Variants in NUDT3 observed in about 807,000 individuals in gnomAD.
NUDT3 encodes the protein nudix hydrolase 3.
A neutral mutation model predicts 23.6 loss-of-function variants in NUDT3; 9 were observed. The ratio of observed to expected loss-of-function variants is 0.38; its 90% CI spans 0.23 to 0.66. The LOEUF (loss-of-function observed/expected upper bound fraction) is 0.66, where lower values mean the gene tolerates loss of function less well. Ranked by LOEUF, NUDT3 falls within the 30% of genes least tolerant of loss-of-function variation. NUDT3 has a pLI of 0.52. For missense variants in NUDT3, 172 were observed against 218.5 expected (o/e 0.79, Z 1.34); for synonymous variants, 86 against 82.6 (o/e 1.04, Z -0.22).
At position 34,389,725 on chromosome 6, in the gene NUDT3, C is replaced by A. The variant is rs556834798; in HGVS notation, c.99+2539G>T. Among the ~76,000 whole-genome samples, 270 of 152,086 alleles carry A rather than the reference C, an allele frequency of 1.8e-3. 1 individual carries two copies. Among genetic ancestry groups the A allele is most frequent in the East Asian group, 0.013 (68 of 5,170 alleles). ...ACGCCTGTAATCCCAGCACTTTGGGCGGCCAACGCGGGTGGATCATGAGGT... is the reference window on the plus strand; with the variant it reads ...ACGCCTGTAATCCCAGCACTTTGGGAGGCCAACGCGGGTGGATCATGAGGT... On this transcript the variant is annotated intron_variant, in intron 1 of 4. Coordinates refer to ENST00000607016, the MANE Select transcript of NUDT3 (RefSeq NM_006703.4).
At chr6:34,312,546 T>C (rs1763790561) in intron 2 of NUDT3, among the ~76,000 whole-genome samples, 1 of 152,196 alleles carries the variant, frequency 6.6e-6, no homozygotes, top group Non-Finnish European at 1.5e-5. Flanking sequence ...TACAAAACTA[T>C]ACATACCATT....
At chr6:34,365,702 C>T (rs950225682) in intron 1 of NUDT3, among the ~76,000 whole-genome samples, 2 of 152,094 alleles carry the variant, frequency 1.3e-5, no homozygotes, top group African/African-American at 2.4e-5. Context: ...CCCTTGAGGC[C>T]AGGAGTTCGA....
chr6:34,299,510 G>C (rs1386910148), intron 2 of NUDT3, among the ~76,000 whole-genome samples: 1 of 151,850 alleles, frequency 6.6e-6, no homozygotes, highest in Non-Finnish European at 1.5e-5. Context: ...CTGCAGCCTT[G>C]AACTCCTGGG....
chr6:34,323,776 GT>G (rs1197882792), intron 2 of NUDT3, among the ~76,000 whole-genome samples: 1 of 152,172 alleles, frequency 6.6e-6, no homozygotes, highest in African/African-American at 2.4e-5. Context: ...GTCAAAAGAT[GT>G]TGTATTTAGA....
rs544491668 is a variant in NUDT3, at chr6:34,373,473, G to A, written c.99+18791C>T. ...AGGCCTATTGTGTATGGAGCACCAC[G>A]TAGGCACCACAGAGGATAAACTATG... On this transcript the variant is annotated intron_variant, in intron 1 of 4. Transcript: ENST00000607016. 5.9e-5 allele frequency among the ~76,000 whole-genome samples: 9 copies of A among 152,128 alleles called. 1 individual carries two copies. The highest frequency in any genetic ancestry group is 1.9e-4 in the African/African-American group (8 of 41,478).
intron 4 of NUDT3, among the ~76,000 whole-genome samples, chr6:34,289,543 G>C (rs1445567733): frequency 6.6e-6 from 1 of 152,202 alleles, no homozygotes; most frequent in Non-Finnish European, 1.5e-5. Flanking sequence ...CTCCAGCAGG[G>C]TGACAGAGTG....
chr6:34,287,530 T>C lies in NUDT3; in HGVS notation c.*1223A>G, dbSNP rs1379519871. On this transcript the variant is annotated 3_prime_UTR_variant, in exon 5 of 5. Transcript: ENST00000607016. ...GGTGGGAGATGGGAGACCAATTTAA[T>C]AGCTCTGAGCATGCTCCATGGTGCA... The C allele has an allele frequency of 1.3e-5, 2 of 152,214 alleles. No homozygotes were observed. Among genetic ancestry groups the C allele is most frequent in the Non-Finnish European group, 2.9e-5 (2 of 68,038 alleles). The allele number at this position is 152,214 out of a possible 1,614,324, so 9.4% of individuals were successfully genotyped here.
In NUDT3 at chr6:34,284,639, C is replaced by G. The variant is rs1246483783; in HGVS notation, c.*4114G>C. The G allele has an allele frequency of 1.3e-5, 2 of 148,940 alleles. No homozygotes were observed. Among genetic ancestry groups the G allele is most frequent in the African/African-American group, 5.0e-5 (2 of 40,342 alleles). 9.2% of individuals were successfully genotyped at this position (148,940 alleles called of 1,614,324 possible). On this transcript the variant is annotated 3_prime_UTR_variant, in exon 5 of 5. Coordinates refer to ENST00000607016, the MANE Select transcript of NUDT3 (RefSeq NM_006703.4). Reference sequence around the variant, plus strand: ...TGTGAAGGATAACATGTGAAATGTACACTCAGGTCTAACAAATACCTATTA... The same window carrying G: ...TGTGAAGGATAACATGTGAAATGTAGACTCAGGTCTAACAAATACCTATTA...
At chr6:34,293,368 T>G in intron 4 of NUDT3, 83 bp downstream of exon 4, 1 of 1,535,976 alleles carries the variant, frequency 6.5e-7, no homozygotes, top group Non-Finnish European at 9.0e-7. Context: ...GGTACGCTCT[T>G]GTTTCTGGTT....
chr6:34,328,026 A>C (rs78591339), intron 2 of NUDT3, among the ~76,000 whole-genome samples: 2,519 of 152,358 alleles, frequency 0.017, 70 homozygotes, highest in African/African-American at 0.058. Flanking sequence ...AATAATGTTT[A>C]TGCTAATGAT....
rs1763535832 is a variant in NUDT3 at position 34,297,760 on chromosome 6, A to ATATATATTTTTT, written c.211-2076_211-2075insAAAAAATATATA. 6.2e-3 allele frequency among the ~76,000 whole-genome samples: 333 copies of ATATATATTTTTT among 53,392 alleles called. 8 individuals are homozygous for ATATATATTTTTT. Among genetic ancestry groups the ATATATATTTTTT allele is most frequent in the Non-Finnish European group, 8.1e-3 (263 of 32,290 alleles). The allele number at this position is 53,392 out of a possible 152,430, so 35.0% of individuals were successfully genotyped here. A position where few individuals can be genotyped will look rare whatever the true frequency, so the allele number is the denominator to read the frequency against. On this transcript the variant is annotated intron_variant, in intron 2 of 4. Coordinates refer to ENST00000607016, the MANE Select transcript of NUDT3 (RefSeq NM_006703.4). Reference sequence around the variant, plus strand: ...ATATATATATATATATATATATATAATTTTTTTTTTTTTTTTAGTAGAGAC... The same window carrying ATATATATTTTTT: ...ATATATATATATATATATATATATAATATATATTTTTTTTTTTTTTTTTTTTTTAGTAGAGAC...
intron 1 of NUDT3, among the ~76,000 whole-genome samples, chr6:34,357,666 C>A (rs1764583749): frequency 6.6e-6 from 1 of 151,958 alleles, no homozygotes; most frequent in Non-Finnish European, 1.5e-5. Flanking sequence ...TATTCTTAGC[C>A]ATTTATACTT....
chr6:34,287,549 T>C lies in NUDT3; in HGVS notation c.*1204A>G, dbSNP rs1034198945. 8 of 152,246 alleles carry C rather than the reference T, an allele frequency of 5.3e-5. No individual in the cohort carries two copies. The highest frequency in any genetic ancestry group is 3.9e-4 in the Admixed American group (6 of 15,288). 9.4% of individuals were successfully genotyped at this position (152,246 alleles called of 1,614,324 possible). ...ATTTAATAGCTCTGAGCATGCTCCA[T>C]GGTGCAATCACAAGTGCCATGCCAA... On this transcript the variant is annotated 3_prime_UTR_variant, in exon 5 of 5. Coordinates refer to ENST00000607016, the MANE Select transcript of NUDT3 (RefSeq NM_006703.4).
At chr6:34,382,255 T>C (rs185172099) in intron 1 of NUDT3, among the ~76,000 whole-genome samples, 230 of 151,372 alleles carry the variant, frequency 1.5e-3, no homozygotes, top group Non-Finnish European at 2.4e-3. Flanking sequence ...AAATATATAT[T>C]AGGAGGGTGT....
At position 34,295,656 on chromosome 6, in the gene NUDT3, T is replaced by G. The variant is rs1267614637; in HGVS notation, c.240A>C (p.Leu80Phe). 2.5e-6 allele frequency: 4 copies of G among 1,613,908 alleles called. No individual in the cohort carries two copies. The East Asian group carries it at 6.7e-5, about 27-fold the overall frequency. ...EAGVKGTLGR[L>F]VGIFENQERK... Reference sequence around the variant, plus strand: ...ACAGACTTACCTCAAAAATTCCAACTAATCTTCCCAATGTCCCTTTTACTC... The same window carrying G: ...ACAGACTTACCTCAAAAATTCCAACGAATCTTCCCAATGTCCCTTTTACTC... The change falls in exon 3 of 5, where the codon TTA (leucine) becomes TTC (phenylalanine). Residue 80 changes from leucine (L) to phenylalanine (F), a missense_variant. Leu to Phe is a conservative substitution (Grantham distance 22, BLOSUM62 0). Transcript: ENST00000607016.
chr6:34,323,262 G>A lies in NUDT3; in HGVS notation c.210+18600C>T, dbSNP rs939855092. ...AAATGGAAAGAAGGAAAGAGAGGGA[G>A]GAAGGGTGGGCGGGCACAAAGAAAG... On this transcript the variant is annotated intron_variant, in intron 2 of 4. Coordinates refer to ENST00000607016, the MANE Select transcript of NUDT3 (RefSeq NM_006703.4). 6.6e-5 allele frequency among the ~76,000 whole-genome samples: 10 copies of A among 151,934 alleles called. No homozygotes were observed. In the East Asian group the frequency reaches 1.2e-3, roughly 18 times the overall value.
chr6:34,378,519 T>C (rs928679926), intron 1 of NUDT3, among the ~76,000 whole-genome samples: 64 of 152,156 alleles, frequency 4.2e-4, no homozygotes, highest in African/African-American at 1.4e-3. Context: ...AAGGAATTTA[T>C]TGGAAAAAAT....
rs1443826353 is a variant in NUDT3, at chr6:34,283,001, C to A, written c.*5752G>T. 6.6e-6 allele frequency: 1 copy of A among 152,064 alleles called. No homozygotes were observed. The highest frequency in any genetic ancestry group is 1.5e-5 in the Non-Finnish European group (1 of 67,994). 9.4% of individuals were successfully genotyped at this position (152,064 alleles called of 1,614,324 possible). A position where few individuals can be genotyped will look rare whatever the true frequency, so the allele number is the denominator to read the frequency against. On this transcript the variant is annotated 3_prime_UTR_variant, in exon 5 of 5. Coordinates refer to ENST00000607016, the MANE Select transcript of NUDT3 (RefSeq NM_006703.4). ...TAACACGGGTTCCCTATAAGCTCCC[C>A]TCCCCAGGTGGACAGTCTTATTTTC...
At chr6:34,341,623 T>C (rs1169973862) in intron 2 of NUDT3, among the ~76,000 whole-genome samples, 1 of 152,164 alleles carries the variant, frequency 6.6e-6, no homozygotes, top group Non-Finnish European at 1.5e-5. Context: ...AAGAAATCCA[T>C]GGGAAGTAAC....
Sources: gnomAD v4.1 joint callset for allele counts (sites outside exome capture counted in the v4.1 genomes callset) on GRCh38, gnomAD v4.1.1 for gene constraint, MANE v1.5 for transcripts, NCBI Gene and HGNC (gene_info 2026-07-23, HGNC 2026-07-21) for gene names.